The following IST1 variants were observed in gnomAD, a reference collection of about 807,000 sequenced individuals.
IST1 encodes the protein IST1 homolog.
A neutral mutation model predicts 37.0 loss-of-function variants in IST1; 23 were observed. That is an observed-to-expected ratio of 0.62 (90% CI 0.45 to 0.88). IST1 has a LOEUF of 0.88. IST1 is among the 40% of genes least tolerant of loss of function. The pLI is 0.00. For missense variants in IST1, 488 were observed against 445.4 expected, an observed-to-expected ratio of 1.10 and a Z score of -0.86; for synonymous variants, 180 against 161.7, an observed-to-expected ratio of 1.11 and a Z score of -0.86.
chr16:71,922,371 T>C (rs2037613793), intron 6 of IST1, 103 bp from the exon 7 acceptor site: 1 of 919,926 alleles, frequency 1.1e-6, no homozygotes, highest in Non-Finnish European at 1.7e-6. Context: ...CCAGAAGCAC[T>C]CCAGTAAACT....
chr16:71,917,763 C>T lies in IST1; in HGVS notation c.357+629C>T, dbSNP rs186825524. Among the ~76,000 whole-genome samples the T allele has an allele frequency of 1.1e-3, 165 of 152,000 alleles. 1 individual carries two copies. The highest frequency in any genetic ancestry group is 6.5e-4 in the Non-Finnish European group (44 of 67,948). ...CCATCTACTGAGATTTCCTTCTTTT[C>T]TAGGTTTTTTTCAAGAGCTCTTTTT... is the stretch of plus-strand genomic sequence containing the variant. On this transcript the variant is annotated intron_variant, in intron 4 of 9. Transcript: ENST00000378799.
At position 71,924,600 on chromosome 16, in the gene IST1, G is replaced by A. The variant is rs185905318; in HGVS notation, c.853-169G>A. 1.5e-3 allele frequency: 936 copies of A among 626,040 alleles called. 6 individuals are homozygous for A. In the Middle Eastern group the frequency reaches 0.036, roughly 24 times the overall value. The allele number at this position is 626,040 out of a possible 1,614,324, so 38.8% of individuals were successfully genotyped here. ...GAGACCCTGTCTCAAAATCAAAGGA[G>A]TTCAACATAGTATCTACCTGATTGG... is the stretch of plus-strand genomic sequence containing the variant. On this transcript the variant is annotated intron_variant, in intron 8 of 9. Coordinates refer to ENST00000378799, the MANE Select transcript of IST1 (RefSeq NM_001270975.2).
rs55886250 is a variant in IST1, at chr16:71,927,669, C to T, written c.957C>T (p.Asn319=). The part of the protein sequence containing the change: ...SAKLPSRPAD[N]YDNFVLPELP... Reference sequence around the variant, plus strand: ...AGCTTCCTTCCAGACCTGCAGATAACTATGACAACTTTGTCCTACCAGAGT... The same window carrying T: ...AGCTTCCTTCCAGACCTGCAGATAATTATGACAACTTTGTCCTACCAGAGT... Residue 319 remains asparagine, a synonymous_variant, in exon 10 of 10, where the codon AAC becomes AAT. Transcript: ENST00000378799. 3 of 1,613,998 alleles carry T rather than the reference C, an allele frequency of 1.9e-6. No individual in the cohort carries two copies. Among genetic ancestry groups the T allele is most frequent in the Admixed American group, 1.7e-5 (1 of 60,022 alleles).
chr16:71,924,447 C>T, intron 8 of IST1: 2 of 464,360 alleles, frequency 4.3e-6, no homozygotes, highest in South Asian at 2.1e-5. Flanking sequence ...AAAAATTGGC[C>T]AGGCATAGTG....
intron 1 of IST1, among the ~76,000 whole-genome samples, chr16:71,912,915 A>C (rs558655381): frequency 2.0e-5 from 3 of 152,266 alleles, no homozygotes; most frequent in Admixed American, 1.3e-4. Flanking sequence ...ATGTTGTAGC[A>C]TGTGATGGGT....
rs1400045410 is a variant in IST1, at chr16:71,930,232, C to G, written c.*2419C>G. 1 of 1,490,434 alleles carries G rather than the reference C, an allele frequency of 6.7e-7. No homozygotes were observed. The highest frequency in any genetic ancestry group is 1.3e-5 in the South Asian group (1 of 75,254). 92.3% of individuals were successfully genotyped at this position (1,490,434 alleles called of 1,614,324 possible). A position where few individuals can be genotyped will look rare whatever the true frequency, so the allele number is the denominator to read the frequency against. On this transcript the variant is annotated 3_prime_UTR_variant, in exon 10 of 10. Transcript: ENST00000378799. ...GCAGTGACTGACAATTTAGTTTATA[C>G]TTTACAAACATAAGCTATATGCTAG... is the stretch of plus-strand genomic sequence containing the variant.
intron 4 of IST1, among the ~76,000 whole-genome samples, chr16:71,920,469 ACT>A (rs1459644942): frequency 1.3e-5 from 2 of 152,162 alleles, no homozygotes; most frequent in Non-Finnish European, 2.9e-5. Flanking sequence ...TTAATGTAAG[ACT>A]CTATAAGAGT....
At chr16:71,915,829 T>A in intron 2 of IST1, 101 bp downstream of exon 2, 1 of 707,328 alleles carries the variant, frequency 1.4e-6, no homozygotes, top group Non-Finnish European at 2.4e-6. Flanking sequence ...GGGATCATAT[T>A]TTTTTTTGTT....
intron 1 of IST1, among the ~76,000 whole-genome samples, chr16:71,896,077 G>T (rs1429987103): frequency 6.6e-6 from 1 of 152,250 alleles, no homozygotes; most frequent in South Asian, 2.1e-4. Context: ...TTGTTCCTGG[G>T]TTGGGGGAAC....
At chr16:71,917,360 T>G (rs2037487644) in intron 4 of IST1, among the ~76,000 whole-genome samples, 1 of 152,252 alleles carries the variant, frequency 6.6e-6, no homozygotes, top group African/African-American at 2.4e-5. Flanking sequence ...TTTGTGTATC[T>G]CCAGTTTTGT....
At chr16:71,915,130 T>G (rs1223812160) in intron 1 of IST1, among the ~76,000 whole-genome samples, 1 of 152,198 alleles carries the variant, frequency 6.6e-6, no homozygotes, top group Non-Finnish European at 1.5e-5. Flanking sequence ...TTGGCAGGAT[T>G]TGGGGAGTTA....
In IST1 at chr16:71,922,893, G is replaced by A; in HGVS notation, c.759+213G>A. 5 of 596,442 alleles carry A rather than the reference G, an allele frequency of 8.4e-6. 1 individual carries two copies. Among genetic ancestry groups the A allele is most frequent in the South Asian group, 8.1e-5 (4 of 49,248 alleles). 36.9% of individuals were successfully genotyped at this position (596,442 alleles called of 1,614,324 possible). ...AGGAAAATCTATAGAGTTGGTGCTA[G>A]AAAAACACTTTTCATATAGGTTTAC... On this transcript the variant is annotated intron_variant, in intron 7 of 9. Coordinates refer to ENST00000378799, the MANE Select transcript of IST1 (RefSeq NM_001270975.2).
chr16:71,901,908 T>C (rs1023261747), intron 1 of IST1, among the ~76,000 whole-genome samples: 4 of 152,212 alleles, frequency 2.6e-5, no homozygotes. Context: ...GCAGTGAGAT[T>C]GAAACAGATT....
Position 71,922,698 on chromosome 16 carries a change from T to TGGATGTGTGA in IST1, c.759+24_759+25insGTGAGGATGT. ...AGGGACCAGTAAGTATATATAAGTG[T>TGGATGTGTGA]GGATGTAAGCTTTAGAAAATGTTAT... On this transcript the variant is annotated intron_variant, in intron 7 of 9. Coordinates refer to ENST00000378799, the MANE Select transcript of IST1 (RefSeq NM_001270975.2). The TGGATGTGTGA allele has an allele frequency of 1.3e-6, 2 of 1,575,512 alleles. No individual in the cohort carries two copies. The highest frequency in any genetic ancestry group is 1.7e-6 in the Non-Finnish European group (2 of 1,155,002).
At chr16:71,904,907 T>C (rs1452035023) in intron 1 of IST1, among the ~76,000 whole-genome samples, 1 of 152,214 alleles carries the variant, frequency 6.6e-6, no homozygotes, top group East Asian at 1.9e-4. Context: ...ATGTTTGAGT[T>C]TAGGTCTACA....
chr16:71,923,252 G>C, intron 7 of IST1, 36 bp from the exon 8 acceptor site: 1 of 1,268,884 alleles, frequency 7.9e-7, no homozygotes, highest in East Asian at 2.4e-5. Flanking sequence ...GCAAACTGGA[G>C]GCAGTGTCTC....
chr16:71,915,467 A>G (rs1005804410), intron 1 of IST1, 159 bp from the exon 2 acceptor site: 5 of 542,840 alleles, frequency 9.2e-6, no homozygotes, highest in Middle Eastern at 4.9e-4. Context: ...TTTTTTTACA[A>G]CAGCCAAAAC....
chr16:71,916,610 G>C lies in IST1; in HGVS notation c.237G>C (p.Leu79=). The C allele has an allele frequency of 6.2e-7, 1 of 1,614,066 alleles. No individual in the cohort carries two copies. The highest frequency in any genetic ancestry group is 8.5e-7 in the Non-Finnish European group (1 of 1,179,928). The change falls in exon 3 of 10, where the codon CTG becomes CTC. Residue 79 remains leucine, a synonymous_variant. Transcript: ENST00000378799. ...TCCTGGAGCTGTACTGTGACCTGCT[G>C]CTGGCTCGGTTTGGCCTTATCCAGT... is the stretch of plus-strand genomic sequence containing the variant. ...MEILELYCDL[L]LARFGLIQSM... is the part of the protein sequence containing the mutation.
intron 1 of IST1, among the ~76,000 whole-genome samples, chr16:71,912,299 G>A (rs1036363655): frequency 2.0e-5 from 3 of 151,854 alleles, no homozygotes; most frequent in African/African-American, 7.3e-5. Flanking sequence ...GTGCGGTGGC[G>A]CGGTCTCAGC....
Sources: allele counts gnomAD v4.1 joint callset (sites outside exome capture counted in the v4.1 genomes callset), GRCh38; gene constraint gnomAD v4.1.1; transcripts MANE v1.5; gene names NCBI Gene and HGNC (gene_info 2026-07-23, HGNC 2026-07-21).